Variants in SNCAIP observed in about 807,000 individuals in gnomAD.
The protein encoded by SNCAIP is synphilin-1.
Under a neutral mutation model 86.7 loss-of-function variants are expected in SNCAIP, and 43 were observed. The observed-to-expected ratio is 0.50, with a 90% CI of 0.39 to 0.64. SNCAIP has a LOEUF of 0.64. SNCAIP is among the 30% of genes least tolerant of loss of function. The pLI, the probability that SNCAIP is intolerant of heterozygous loss-of-function variation, is 0.00. For missense variants in SNCAIP, 981 were observed against 1,103.1 expected (o/e 0.89, Z 1.57); for synonymous variants, 417 against 427.2 (o/e 0.98, Z 0.29).
At chr5:122,321,442 C>G (rs940865183) in intron 1 of SNCAIP, 1 of 152,174 alleles carries the variant, frequency 6.6e-6, no homozygotes, top group Non-Finnish European at 1.5e-5. Flanking sequence ...GTGACCACCT[C>G]CTCAGCCTCC....
intron 1 of SNCAIP, among the ~76,000 whole-genome samples, chr5:122,334,120 A>G (rs1258867215): frequency 6.6e-6 from 1 of 152,240 alleles, no homozygotes; most frequent in African/African-American, 2.4e-5. Flanking sequence ...AGGAACTCAA[A>G]GAAATGAAAA....
intron 10 of SNCAIP, 75 bp downstream of exon 10, chr5:122,451,676 G>T: frequency 4.3e-6 from 5 of 1,155,696 alleles, no homozygotes; most frequent in Non-Finnish European, 3.8e-6. Context: ...CAGATTGTGG[G>T]CCCACACTAC....
chr5:122,438,650 C>A (rs113439767), intron 6 of SNCAIP, among the ~76,000 whole-genome samples: 1,715 of 152,244 alleles, frequency 0.011, 29 homozygotes, highest in African/African-American at 0.038. Flanking sequence ...AAATTAGTTT[C>A]ATTATACTTC....
intron 1 of SNCAIP, among the ~76,000 whole-genome samples, chr5:122,381,754 C>G (rs895493436): frequency 1.3e-4 from 20 of 152,018 alleles, no homozygotes; most frequent in African/African-American, 4.8e-4. Flanking sequence ...CAAAATCTCT[C>G]AGCATTTGCT....
chr5:122,436,285 C>T (rs1354754098), intron 6 of SNCAIP, among the ~76,000 whole-genome samples: 1 of 151,820 alleles, frequency 6.6e-6, no homozygotes, highest in African/African-American at 2.4e-5. Context: ...GATAATAGAA[C>T]CTTCCTCACA....
intron 2 of SNCAIP, chr5:122,400,930 A>G: frequency 1.4e-6 from 2 of 1,472,790 alleles, no homozygotes; most frequent in Middle Eastern, 1.8e-4. Context: ...ATAGAGATAG[A>G]AAATGTAATG....
At chr5:122,427,247 G>T (rs940093494) in intron 5 of SNCAIP, among the ~76,000 whole-genome samples, 4 of 152,120 alleles carry the variant, frequency 2.6e-5, no homozygotes, top group African/African-American at 9.7e-5. Flanking sequence ...GAAACTTAGT[G>T]GTTGTTACGC....
At chr5:122,338,204 T>C (rs1756889861) in intron 1 of SNCAIP, among the ~76,000 whole-genome samples, 1 of 152,244 alleles carries the variant, frequency 6.6e-6, no homozygotes, top group African/African-American at 2.4e-5. Context: ...ATTAATGCAG[T>C]GTCCCCTATA....
chr5:122,353,392 A>G (rs979974992), intron 1 of SNCAIP, among the ~76,000 whole-genome samples: 1 of 151,172 alleles, frequency 6.6e-6, no homozygotes, highest in African/African-American at 2.4e-5. Context: ...TATGATTTAT[A>G]TATTTTTCAG....
At chr5:122,358,982 G>A (rs1292195005) in intron 1 of SNCAIP, among the ~76,000 whole-genome samples, 1 of 152,132 alleles carries the variant, frequency 6.6e-6, no homozygotes, top group Non-Finnish European at 1.5e-5. Flanking sequence ...TAAAAAATAA[G>A]TTTGATTCTT....
intron 1 of SNCAIP, among the ~76,000 whole-genome samples, chr5:122,354,289 C>T (rs1008057043): frequency 1.3e-5 from 2 of 152,142 alleles, no homozygotes; most frequent in African/African-American, 4.8e-5. Context: ...TTGCATGTTT[C>T]ATTGTATTCA....
At chr5:122,328,590 G>A (rs1187456299) in intron 1 of SNCAIP, among the ~76,000 whole-genome samples, 3 of 151,518 alleles carry the variant, frequency 2.0e-5, no homozygotes, top group African/African-American at 7.3e-5. Context: ...CTTTTTTTTG[G>A]ATTGTCATTA....
In SNCAIP at chr5:122,394,358, A is replaced by G. The variant is rs114418937; in HGVS notation, c.57+3167A>G. 9.5e-3 allele frequency among the ~76,000 whole-genome samples: 1,449 copies of G among 152,302 alleles called. 28 individuals are homozygous for G. Among genetic ancestry groups the G allele is most frequent in the African/African-American group, 0.033 (1,392 of 41,562 alleles). On this transcript the variant is annotated intron_variant, in intron 2 of 10. Coordinates refer to ENST00000261368, the MANE Select transcript of SNCAIP (RefSeq NM_005460.4). ...CTGTATATTGGTAGAAAAAACAACT[A>G]GAACTTATTTTGCCTTTACTTAATG... is the stretch of plus-strand genomic sequence containing the variant.
chr5:122,408,396 T>G (rs777382638), intron 3 of SNCAIP, among the ~76,000 whole-genome samples: 8 of 152,124 alleles, frequency 5.3e-5, no homozygotes, highest in Non-Finnish European at 1.2e-4. Context: ...CTCACCTCAC[T>G]TCATCCCTGC....
intron 1 of SNCAIP, among the ~76,000 whole-genome samples, chr5:122,343,869 C>T (rs1347895131): frequency 6.6e-6 from 1 of 152,198 alleles, no homozygotes; most frequent in Non-Finnish European, 1.5e-5. Context: ...CTTGTCTTAA[C>T]AAGATGAGAA....
chr5:122,460,638 G>A (rs1425007697), intron 10 of SNCAIP, among the ~76,000 whole-genome samples: 1 of 152,054 alleles, frequency 6.6e-6, no homozygotes, highest in Non-Finnish European at 1.5e-5. Context: ...TCAGTATTCA[G>A]TGTTAATTAT....
At chr5:122,461,907 G>A (rs1420564969) in intron 10 of SNCAIP, among the ~76,000 whole-genome samples, 1 of 152,116 alleles carries the variant, frequency 6.6e-6, no homozygotes, top group Non-Finnish European at 1.5e-5. Context: ...GACCTCAACT[G>A]ATCTACCTGC....
At chr5:122,367,946 T>C (rs972570103) in intron 1 of SNCAIP, among the ~76,000 whole-genome samples, 1 of 152,176 alleles carries the variant, frequency 6.6e-6, no homozygotes, top group African/African-American at 2.4e-5. Context: ...ATATATTTTA[T>C]GGTCTCTGAG....
intron 1 of SNCAIP, among the ~76,000 whole-genome samples, chr5:122,315,890 T>G (rs1751608326): frequency 6.6e-6 from 1 of 152,198 alleles, no homozygotes; most frequent in Admixed American, 6.5e-5. Flanking sequence ...GATCCCATAT[T>G]TAGGATGAGG....
Sources: gnomAD v4.1 joint callset for allele counts (sites outside exome capture counted in the v4.1 genomes callset) on GRCh38, gnomAD v4.1.1 for gene constraint, MANE v1.5 for transcripts, NCBI Gene and HGNC (gene_info 2026-07-23, HGNC 2026-07-21) for gene names.